Variants in HECW2 observed in about 807,000 individuals in gnomAD.
HECW2 encodes the protein E3 ubiquitin-protein ligase HECW2.
A neutral mutation model predicts 175.2 loss-of-function variants in HECW2; 61 were observed. The ratio of observed to expected loss-of-function variants is 0.35; its 90% CI spans 0.28 to 0.43. The LOEUF (loss-of-function observed/expected upper bound fraction) is 0.43. Ranked by LOEUF, HECW2 falls within the 20% of genes least tolerant of loss-of-function variation. The probability of loss-of-function intolerance (pLI) is 1.00; values close to 1 mark genes in which losing one functional copy is unlikely to be tolerated. For synonymous variants in HECW2, 671 were observed against 731.0 expected (o/e 0.92, Z 1.32); for missense variants, 1,524 against 2,000.5 (o/e 0.76, Z 4.54).
chr2:196,226,805 A>C (rs146579384), intron 22 of HECW2, among the ~76,000 whole-genome samples: 180 of 152,308 alleles, frequency 1.2e-3, no homozygotes, highest in African/African-American at 4.1e-3. Flanking sequence ...TTCACCATTC[A>C]AGAATTGTGC....
chr2:196,203,230 A>G (rs1415198858), intron 28 of HECW2, among the ~76,000 whole-genome samples: 2 of 152,188 alleles, frequency 1.3e-5, no homozygotes, highest in Non-Finnish European at 2.9e-5. Context: ...CATCTAATGA[A>G]TCTTTGCAGG....
At chr2:196,409,510 A>G (rs1695052032) in intron 2 of HECW2, among the ~76,000 whole-genome samples, 1 of 152,156 alleles carries the variant, frequency 6.6e-6, no homozygotes, top group African/African-American at 2.4e-5. Context: ...CTTCTGCTAG[A>G]CCACAGTCTA....
chr2:196,248,069 C>T (rs56308702), intron 19 of HECW2, among the ~76,000 whole-genome samples: 2,233 of 152,302 alleles, frequency 0.015, 55 homozygotes, highest in African/African-American at 0.05. Flanking sequence ...ACAAAAAACA[C>T]GTCCAAATCC....
At chr2:196,526,023 C>G (rs1688626971) in intron 1 of HECW2, among the ~76,000 whole-genome samples, 1 of 82,096 alleles carries the variant, frequency 1.2e-5, no homozygotes, top group Non-Finnish European at 2.4e-5. Flanking sequence ...GAACGTTGGC[C>G]TGCCTTGCTA....
At chr2:196,556,892 A>C (rs1186192602) in intron 1 of HECW2, among the ~76,000 whole-genome samples, 2 of 152,222 alleles carry the variant, frequency 1.3e-5, no homozygotes, top group Non-Finnish European at 2.9e-5. Flanking sequence ...ATGGAAAAAT[A>C]CTTGCAGTAT....
At chr2:196,311,224 T>C (rs7558876) in intron 10 of HECW2, among the ~76,000 whole-genome samples, 110,836 of 152,192 alleles carry the variant, frequency 0.73, 41,103 homozygotes, top group East Asian at 0.98. Flanking sequence ...TTTCTCAAGG[T>C]AGGTGGACTC....
At chr2:196,383,827 C>A (rs139897945) in intron 2 of HECW2, among the ~76,000 whole-genome samples, 1 of 152,186 alleles carries the variant, frequency 6.6e-6, no homozygotes, top group African/African-American at 2.4e-5. Context: ...ATCCCTAAGA[C>A]GTGAACATGG....
intron 1 of HECW2, among the ~76,000 whole-genome samples, chr2:196,462,169 AT>A (rs1696773900): frequency 6.6e-6 from 1 of 152,228 alleles, no homozygotes; most frequent in Non-Finnish European, 1.5e-5. Flanking sequence ...GCAAAAAGTT[AT>A]AATAATAAAA....
chr2:196,396,175 T>C (rs1311800550), intron 2 of HECW2, among the ~76,000 whole-genome samples: 1 of 152,054 alleles, frequency 6.6e-6, no homozygotes, highest in Admixed American at 6.5e-5. Flanking sequence ...ATCAAATTCA[T>C]AGAGACAGAA....
At position 196,397,911 on chromosome 2, in the gene HECW2, G is replaced by T. The variant is rs1030603164; in HGVS notation, c.292+35221C>A. On this transcript the variant is annotated intron_variant, in intron 2 of 28. Transcript: ENST00000644978. ...CTCACCTGCTCCCAAAGATATTCAT[G>T]GAAGGGCTCAATAAAGCTGCACTGA... Among the ~76,000 whole-genome samples the T allele has an allele frequency of 5.3e-5, 8 of 152,314 alleles. No homozygotes were observed. In the East Asian group the frequency reaches 1.5e-3, roughly 29 times the overall value.
intron 1 of HECW2, among the ~76,000 whole-genome samples, chr2:196,484,335 C>T (rs116124601): frequency 0.014 from 2,189 of 152,298 alleles, 20 homozygotes; most frequent in Non-Finnish European, 0.021. Flanking sequence ...CTTGCAACTT[C>T]CATATACTGC....
intron 1 of HECW2, among the ~76,000 whole-genome samples, chr2:196,500,359 T>C (rs1687534169): frequency 6.6e-6 from 1 of 152,180 alleles, no homozygotes; most frequent in African/African-American, 2.4e-5. Context: ...GACCACTTCA[T>C]CATACTTACA....
chr2:196,355,814 G>A (rs997105198), intron 2 of HECW2, among the ~76,000 whole-genome samples: 5 of 152,130 alleles, frequency 3.3e-5, no homozygotes, highest in Non-Finnish European at 7.4e-5. Context: ...AAGCAAAAAT[G>A]TAATGTCAAG....
At chr2:196,232,356 C>T (rs545466047) in intron 21 of HECW2, among the ~76,000 whole-genome samples, 1 of 152,194 alleles carries the variant, frequency 6.6e-6, no homozygotes, top group Non-Finnish European at 1.5e-5. Context: ...CCTGCCTCCC[C>T]TATACATACA....
intron 1 of HECW2, among the ~76,000 whole-genome samples, chr2:196,524,234 T>C (rs1046265345): frequency 1.4e-5 from 2 of 138,162 alleles, no homozygotes; most frequent in African/African-American, 3.1e-5. Flanking sequence ...AATTTATCCA[T>C]TTCTTCTAGA....
Position 196,420,337 on chromosome 2 carries a change from CA to C in HECW2, c.292+12794del, listed in dbSNP as rs554653389. On this transcript the variant is annotated intron_variant, in intron 2 of 28. Coordinates refer to ENST00000644978, the MANE Select transcript of HECW2 (RefSeq NM_001348768.2). ...ATAATGTCAGCCAGATTGTGGGAAA[CA>C]ATTGACGGAAAAAAATATAATGACT... Among the ~76,000 whole-genome samples, 3 of 152,238 alleles carry C rather than the reference CA, an allele frequency of 2.0e-5. No individual in the cohort carries two copies. In the South Asian group the frequency reaches 6.2e-4, roughly 32 times the overall value.
At chr2:196,546,749 C>T (rs1029881866) in intron 1 of HECW2, among the ~76,000 whole-genome samples, 3 of 147,936 alleles carry the variant, frequency 2.0e-5, no homozygotes, top group African/African-American at 5.0e-5. Context: ...TTAGGCAACA[C>T]AACAAGATTC....
At chr2:196,225,955 G>T in intron 22 of HECW2, 85 bp from the exon 23 acceptor site, 1 of 797,666 alleles carries the variant, frequency 1.3e-6, no homozygotes, top group African/African-American at 1.7e-5. Flanking sequence ...GCCTTCCAGC[G>T]CTAACCATCT....
At chr2:196,202,373 G>A (rs1483705525) in intron 28 of HECW2, among the ~76,000 whole-genome samples, 2 of 152,108 alleles carry the variant, frequency 1.3e-5, no homozygotes, top group African/African-American at 4.8e-5. Flanking sequence ...GTAATGTAGT[G>A]GGAAGACCAG....
Sources: gnomAD v4.1 joint callset for allele counts (sites outside exome capture counted in the v4.1 genomes callset) on GRCh38, gnomAD v4.1.1 for gene constraint, MANE v1.5 for transcripts, NCBI Gene and HGNC (gene_info 2026-07-23, HGNC 2026-07-21) for gene names.